ACIN1: variants seen among roughly 807,000 people sequenced by gnomAD.
ACIN1 encodes the protein apoptotic chromatin condensation inducer 1.
ACIN1 carries 16 observed loss-of-function variants against 146.6 expected under a neutral mutation model. The ratio of observed to expected loss-of-function variants is 0.11; its 90% CI spans 0.07 to 0.17. ACIN1 has a LOEUF of 0.17. Ranked by LOEUF, ACIN1 falls within the 10% of genes least tolerant of loss-of-function variation. The pLI is 1.00. For missense variants in ACIN1, 1,357 were observed against 1,609.3 expected (o/e 0.84, Z 2.68); for synonymous variants, 569 against 582.7 (o/e 0.98, Z 0.34).
chr14:23,073,666 G>T (rs1594763391), intron 8 of ACIN1, among the ~76,000 whole-genome samples: 1 of 151,818 alleles, frequency 6.6e-6, no homozygotes, highest in South Asian at 2.1e-4. Context: ...CTCAAAAAAA[G>T]AAAAAAATTT....
chr14:23,069,652 G>GGGGGGGGGGC, intron 8 of ACIN1, 35 bp from the exon 9 acceptor site: 3 of 577,968 alleles, frequency 5.2e-6, no homozygotes, highest in Non-Finnish European at 6.7e-6. Context: ...GGGGGGGCGG[G>GGGGGGGGGGC]CAGAAAAGAA....
intron 8 of ACIN1, 66 bp downstream of exon 8, chr14:23,078,085 A>G (rs1354336511): frequency 6.9e-7 from 1 of 1,441,486 alleles, no homozygotes; most frequent in South Asian, 1.2e-5. Flanking sequence ...AAAGAACCCT[A>G]GGGAGCGAAG....
At chr14:23,074,246 C>A (rs1354498855) in intron 8 of ACIN1, among the ~76,000 whole-genome samples, 1 of 151,386 alleles carries the variant, frequency 6.6e-6, no homozygotes, top group African/African-American at 2.4e-5. Context: ...CTGTGGGACC[C>A]AACAATTCCG....
chr14:23,094,860 G>GCTGGCGGC, intron 1 of ACIN1, 115 bp downstream of exon 1: 1 of 1,394,478 alleles, frequency 7.2e-7, no homozygotes, highest in Non-Finnish European at 9.5e-7. Context: ...AGAGGCTCGC[G>GCTGGCGGC]CTGGCGGCCT....
Position 23,067,511 on chromosome 14 carries a change from G to GGGGGGGGGGC in ACIN1, c.2266-1504_2266-1503insGCCCCCCCCC. 1 of 221,714 alleles carries GGGGGGGGGGC rather than the reference G, an allele frequency of 4.5e-6. No homozygotes were observed. Among genetic ancestry groups the GGGGGGGGGGC allele is most frequent in the Non-Finnish European group, 7.3e-6 (1 of 137,248 alleles). 13.7% of individuals were successfully genotyped at this position (221,714 alleles called of 1,614,324 possible). A position where few individuals can be genotyped will look rare whatever the true frequency, so the allele number is the denominator to read the frequency against. ...CCAGGGGCGCAGGGGGGGCGGGAGG[G>GGGGGGGGGGC]AAACGTGTGGGGGGACGCTGCCCAG... On this transcript the variant is annotated intron_variant, in intron 9 of 18. Coordinates refer to ENST00000605057, the MANE Select transcript of ACIN1 (RefSeq NM_001386863.1). This position sits in a 1 kb window ranked among gnomAD's most constrained non-coding sequence, Gnocchi z 4.6.
In ACIN1 at chr14:23,093,562, A is replaced by G. The variant is rs778991616; in HGVS notation, c.139-18T>C. The G allele has an allele frequency of 3.1e-6, 5 of 1,608,462 alleles. No individual in the cohort carries two copies. The African/African-American group carries it at 5.4e-5, about 17-fold the overall frequency. On this transcript the variant is annotated intron_variant, in intron 1 of 18. Coordinates refer to ENST00000605057, the MANE Select transcript of ACIN1 (RefSeq NM_001386863.1). ...ATTAGAGCCTGGTATAGAGAAGGGT[A>G]AAAGTCAGAAATGATGAGGAAAAAA...
At chr14:23,061,678 C>G in intron 16 of ACIN1, 56 bp from the exon 17 acceptor site, 1 of 1,449,432 alleles carries the variant, frequency 6.9e-7, no homozygotes, top group Non-Finnish European at 9.1e-7. Flanking sequence ...CACTCCCACT[C>G]AAGGAGCCAG....
chr14:23,077,169 T>C (rs2047823869), intron 8 of ACIN1, among the ~76,000 whole-genome samples: 1 of 152,234 alleles, frequency 6.6e-6, no homozygotes, highest in African/African-American at 2.4e-5. Flanking sequence ...TCATGTCACC[T>C]GCCCACTACC....
At chr14:23,094,299 C>T (rs2048308947) in intron 1 of ACIN1, among the ~76,000 whole-genome samples, 1 of 152,244 alleles carries the variant, frequency 6.6e-6, no homozygotes, top group African/African-American at 2.4e-5. Context: ...TTGAATCGAG[C>T]TACACCTACC....
At position 23,064,150 on chromosome 14, in the gene ACIN1, A is replaced by G; in HGVS notation, c.2550T>C (p.Asp850=). The change falls in exon 12 of 19, where the codon GAT becomes GAC. Residue 850 remains aspartate (D), a synonymous_variant. Transcript: ENST00000605057. The part of the protein sequence containing the change: ...SEDETERNGD[D]GTHDKGLKIC... ...TTTTCAGCCCCTTGTCATGGGTCCC[A>G]TCATCGCCATTACGCTCTGTCTCAT... is the stretch of plus-strand genomic sequence containing the variant. The G allele has an allele frequency of 6.2e-7, 1 of 1,614,096 alleles. No homozygotes were observed. The highest frequency in any genetic ancestry group is 8.5e-7 in the Non-Finnish European group (1 of 1,180,034).
Position 23,067,932 on chromosome 14 carries a change from A to C in ACIN1, c.2265+1544T>G. The C allele has an allele frequency of 1.0e-6, 1 of 985,744 alleles. No individual in the cohort carries two copies. 61.1% of individuals were successfully genotyped at this position (985,744 alleles called of 1,614,324 possible). ...GCAAGGTCAGAATACTTCTCTTCGG[A>C]GAGTTGTGGCTGGCATCTCCTCAGG... On this transcript the variant is annotated intron_variant, in intron 9 of 18. Transcript: ENST00000605057. This position sits in a 1 kb window ranked among gnomAD's most constrained non-coding sequence, Gnocchi z 4.6.
Position 23,062,971 on chromosome 14 carries a change from T to A in ACIN1, c.2841A>T (p.Pro947=), listed in dbSNP as rs1177255368. Residue 947 remains proline, a synonymous_variant, in exon 14 of 19, where the codon CCA becomes CCT. Coordinates refer to ENST00000605057, the MANE Select transcript of ACIN1 (RefSeq NM_001386863.1). ...CAATGTTGCTAATCTTGCCCCGGGG[T>A]GGGGAGGGCACCTGGGCAGTTCGGA... is the stretch of plus-strand genomic sequence containing the variant. ...DPVRTAQVPS[P]PRGKISNIVH... 1 of 1,612,198 alleles carries A rather than the reference T, an allele frequency of 6.2e-7. No individual in the cohort carries two copies. The highest frequency in any genetic ancestry group is 1.3e-5 in the African/African-American group (1 of 74,798).
chr14:23,061,237 CCCATCTGGGTCCCTTT>C, intron 17 of ACIN1, 45 bp downstream of exon 17: 1 of 1,613,790 alleles, frequency 6.2e-7, no homozygotes, highest in Non-Finnish European at 8.5e-7. Context: ...TCTGTCCCAT[CCCATCTGGGTCCCTTT>C]CCCACCTACT....
In ACIN1 at chr14:23,080,740, T is replaced by G; in HGVS notation, c.595A>C (p.Arg199=). The change falls in exon 6 of 19, where the codon AGA becomes CGA. Residue 199 remains arginine, a synonymous_variant. Coordinates refer to ENST00000605057, the MANE Select transcript of ACIN1 (RefSeq NM_001386863.1). ...EEEEDQETPS[R]NLRVRADRNL... ...CGATCTGCTCTGACCCTTAGGTTTC[T>G]GGAAGGTGTTTCTTGATCCTCTTCC... The G allele has an allele frequency of 6.2e-7, 1 of 1,613,978 alleles. No individual in the cohort carries two copies. Among genetic ancestry groups the G allele is most frequent in the Non-Finnish European group, 8.5e-7 (1 of 1,179,902 alleles).
At chr14:23,078,544 G>T (rs1310865265) in intron 7 of ACIN1, among the ~76,000 whole-genome samples, 1 of 152,018 alleles carries the variant, frequency 6.6e-6, no homozygotes, top group African/African-American at 2.4e-5. Context: ...TTTTTTGAGA[G>T]AACTGAGAAA....
intron 9 of ACIN1, 115 bp downstream of exon 9, chr14:23,069,361 G>C: frequency 6.8e-7 from 1 of 1,481,474 alleles, no homozygotes; most frequent in South Asian, 1.4e-5. Context: ...CCAAGTCCCT[G>C]CCTCATCCCT....
intron 8 of ACIN1, among the ~76,000 whole-genome samples, chr14:23,075,428 A>G (rs2047773867): frequency 6.6e-6 from 1 of 151,484 alleles, no homozygotes; most frequent in Non-Finnish European, 1.5e-5. Context: ...AGTTTTGAAC[A>G]GCACTCAACT....
chr14:23,088,731 C>T (rs2048149909), intron 4 of ACIN1, among the ~76,000 whole-genome samples: 1 of 152,180 alleles, frequency 6.6e-6, no homozygotes, highest in African/African-American at 2.4e-5. Context: ...GTCTTATATA[C>T]ATATTAAGTA....
In ACIN1 at chr14:23,078,840, G is replaced by C; in HGVS notation, c.1987C>G (p.Gln663Glu). ...CCTACCCGCTCAGGCTGTAACCTCT[G>C]GGTCACATGCTTTTCAGCTGATTCA... ...QPESAEKHVTQRLQPERGSPK... is the reference protein window; with the variant it reads ...QPESAEKHVTERLQPERGSPK... The change falls in exon 7 of 19, where the codon CAG (glutamine) becomes GAG (glutamate). Residue 663 changes from glutamine to glutamate, a missense_variant. Physicochemically the swap from Gln to Glu is conservative, Grantham distance 29 (BLOSUM62 2). Transcript: ENST00000605057. The C allele has an allele frequency of 1.9e-6, 3 of 1,612,870 alleles. No homozygotes were observed. Among genetic ancestry groups the C allele is most frequent in the Non-Finnish European group, 2.5e-6 (3 of 1,179,994 alleles).
Sources: gnomAD v4.1 joint callset for allele counts (sites outside exome capture counted in the v4.1 genomes callset) on GRCh38, gnomAD v4.1.1 for gene constraint, Gnocchi (gnomAD v3.1) non-coding constraint, MANE v1.5 for transcripts, NCBI Gene and HGNC (gene_info 2026-07-23, HGNC 2026-07-21) for gene names.